FBXL18: variants seen among roughly 807,000 people sequenced by gnomAD.
FBXL18 encodes F-box/LRR-repeat protein 18.
FBXL18 carries 36 observed loss-of-function variants against 46.0 expected under a neutral mutation model. That is an observed-to-expected ratio of 0.78 (90% confidence interval 0.60 to 1.03). The LOEUF (loss-of-function observed/expected upper bound fraction) is 1.03. FBXL18 is among the 50% of genes least tolerant of loss of function. The pLI is 0.00. For synonymous variants in FBXL18, 557 were observed against 465.3 expected (o/e 1.20, Z -2.54); for missense variants, 977 against 1,004.1 (o/e 0.97, Z 0.36).
chr7:5,482,377 C>G (rs1003834220), intron 4 of FBXL18, among the ~76,000 whole-genome samples: 3 of 152,202 alleles, frequency 2.0e-5, no homozygotes, highest in Non-Finnish European at 4.4e-5. Flanking sequence ...TGGGCCACCT[C>G]AAGGGGGTGC....
chr7:5,474,770 C>G (rs1228081913), downstream of FBXL18, among the ~76,000 whole-genome samples: 2 of 150,744 alleles, frequency 1.3e-5, no homozygotes, highest in Non-Finnish European at 3.0e-5. Flanking sequence ...TGCAGTGGCG[C>G]GATCTCGGCT....
chr7:5,501,777 G>T lies in FBXL18; in HGVS notation c.492C>A (p.Ser164Arg). 1 of 1,560,394 alleles carries T rather than the reference G, an allele frequency of 6.4e-7. No homozygotes were observed. Among genetic ancestry groups the T allele is most frequent in the East Asian group, 2.4e-5 (1 of 42,082 alleles). Residue 164 changes from serine (S) to arginine (R), a missense_variant, in exon 3 of 5, where the codon AGC becomes AGA. Physicochemically the swap from Ser to Arg is moderately radical, Grantham distance 110. Transcript: ENST00000382368. ...CGCGGCTCAGGGTGGCCTTGCACTCGCTGCTCAGCTGGCTGGCGTCGAAGC... is the reference window on the plus strand; with the variant it reads ...CGCGGCTCAGGGTGGCCTTGCACTCTCTGCTCAGCTGGCTGGCGTCGAAGC... ...SPGFDASQLS[S>R]ECKATLSRVR...
chr7:5,500,671 A>C lies in FBXL18; in HGVS notation c.1598T>G (p.Leu533Arg), dbSNP rs1251430401. ...CAGCTGTGCGAGCGTCAGGTGCCGC[A>C]GGAAGGCCAGCTGGCCGATGGCGGC... is the stretch of plus-strand genomic sequence containing the variant. ...EVAAIGQLAF[L>R]RHLTLAQLPS... is the part of the protein sequence containing the mutation. Residue 533 changes from leucine (L) to arginine (R), a missense_variant, in exon 3 of 5, where the codon CTG becomes CGG. Transcript: ENST00000382368. The C allele has an allele frequency of 1.2e-6, 2 of 1,611,142 alleles. No individual in the cohort carries two copies. Among genetic ancestry groups the C allele is most frequent in the East Asian group, 2.2e-5 (1 of 44,844 alleles).
chr7:5,466,177 A>G (rs950851849), intron 4 of FBXL18, among the ~76,000 whole-genome samples: 8 of 151,996 alleles, frequency 5.3e-5, no homozygotes, highest in South Asian at 2.1e-4. Context: ...TTTAAAAAAA[A>G]AAAAGAAAAG....
Position 5,460,750 on chromosome 7 carries a change from G to T in FBXL18, c.2001-12907C>A, listed in dbSNP as rs1456492892. Among the ~76,000 whole-genome samples, 7 of 152,324 alleles carry T rather than the reference G, an allele frequency of 4.6e-5. No homozygotes were observed. The South Asian group carries it at 1.4e-3, about 32-fold the overall frequency. ...TTACAGCCGTGAGCCACCATGCCCA[G>T]ACTCAGGCCTAATCTGATGGCAGAG... On this transcript the variant is annotated intron_variant and NMD_transcript_variant, in intron 4 of 6. Coordinates refer to the FBXL18 transcript ENST00000415009.
chr7:5,482,214 G>A (rs927006727), intron 4 of FBXL18, among the ~76,000 whole-genome samples: 4 of 152,190 alleles, frequency 2.6e-5, no homozygotes, highest in Non-Finnish European at 5.9e-5. Context: ...CAGAGGCCCC[G>A]GAGGCCAACC....
In FBXL18 at chr7:5,496,316, G is replaced by A. The variant is rs531607574; in HGVS notation, c.1781+4172C>T. On this transcript the variant is annotated intron_variant, in intron 3 of 4. Coordinates refer to ENST00000382368, the MANE Select transcript of FBXL18 (RefSeq NM_024963.6). This position sits in a 1 kb window ranked among gnomAD's most constrained non-coding sequence, Gnocchi z 4.8. The stretch of plus-strand genomic sequence containing the variant: ...GTCCCCTCCACCCGCGGTGGCTGCC[G>A]TCACCTCTGCCTCTTGCTTCCGGAA... 6.6e-6 allele frequency among the ~76,000 whole-genome samples: 1 copy of A among 152,136 alleles called. No individual in the cohort carries two copies. Among genetic ancestry groups the A allele is most frequent in the African/African-American group, 2.4e-5 (1 of 41,426 alleles).
intron 1 of FBXL18, among the ~76,000 whole-genome samples, chr7:5,510,540 G>T (rs1784505648): frequency 6.6e-6 from 1 of 151,768 alleles, no homozygotes; most frequent in African/African-American, 2.4e-5. Context: ...AAATTAGCCA[G>T]GCATGGTGGC....
At chr7:5,471,875 G>A (rs182820969), downstream of FBXL18, among the ~76,000 whole-genome samples, 326 of 152,364 alleles carry the variant, frequency 2.1e-3, 2 homozygotes, top group African/African-American at 7.4e-3. Context: ...CATTTTGGGA[G>A]GCTGAGGCGG....
chr7:5,501,776 C>T lies in FBXL18; in HGVS notation c.493G>A (p.Glu165Lys). 6.4e-7 allele frequency: 1 copy of T among 1,560,258 alleles called. No individual in the cohort carries two copies. The highest frequency in any genetic ancestry group is 8.7e-7 in the Non-Finnish European group (1 of 1,151,918). The change falls in exon 3 of 5, where the codon GAG becomes AAG. Residue 165 changes from glutamate (E) to lysine (K), a missense_variant. Glu to Lys is a moderately conservative substitution (Grantham distance 56). Coordinates refer to ENST00000382368, the MANE Select transcript of FBXL18 (RefSeq NM_024963.6). ...ACGCGGCTCAGGGTGGCCTTGCACT[C>T]GCTGCTCAGCTGGCTGGCGTCGAAG... ...PGFDASQLSS[E>K]CKATLSRVRE...
At chr7:5,471,152 C>T (rs940112291), downstream of FBXL18, among the ~76,000 whole-genome samples, 2 of 152,230 alleles carry the variant, frequency 1.3e-5, no homozygotes, top group Non-Finnish European at 2.9e-5. Context: ...GCCATCTCCA[C>T]TATCCTGCAA....
intron 4 of FBXL18, among the ~76,000 whole-genome samples, chr7:5,461,149 C>T (rs1315527838): frequency 2.0e-5 from 3 of 152,188 alleles, no homozygotes; most frequent in African/African-American, 7.2e-5. Context: ...CAAACACAGC[C>T]GGACCTGAGC....
At chr7:5,467,176 C>A (rs1476318980) in intron 4 of FBXL18, among the ~76,000 whole-genome samples, 4 of 152,118 alleles carry the variant, frequency 2.6e-5, no homozygotes, top group African/African-American at 9.7e-5. Context: ...ACAGTGAAAC[C>A]CCGTCTCTAC....
intron 4 of FBXL18, among the ~76,000 whole-genome samples, chr7:5,463,743 T>TTTTTTTTTTTTTTTTTTTTTTTA (rs1783299194): frequency 2.1e-5 from 1 of 47,070 alleles, no homozygotes; most frequent in African/African-American, 6.3e-5. Flanking sequence ...TTTTTTTTTT[T>TTTTTTTTTTTTTTTTTTTTTTTA]TTTTTTTTTT....
chr7:5,492,212 C>A (rs12539968), intron 3 of FBXL18, among the ~76,000 whole-genome samples: 22,091 of 146,340 alleles, frequency 0.15, 1,848 homozygotes, highest in South Asian at 0.2. Flanking sequence ...CATTCTAGAT[C>A]CTTCCTGGGG....
chr7:5,500,788 T>G lies in FBXL18; in HGVS notation c.1481A>C (p.Asn494Thr). 6.2e-7 allele frequency: 1 copy of G among 1,612,340 alleles called. No homozygotes were observed. Among genetic ancestry groups the G allele is most frequent in the South Asian group, 1.1e-5 (1 of 91,048 alleles). ...GTTGCGGGGCATGGCGGAGGAGAAG[T>G]TGGACCCAATCAGCTCGAGGTGTTC... is the stretch of plus-strand genomic sequence containing the variant. ...FLEHLELIGS[N>T]FSSAMPRNEP... Residue 494 changes from asparagine (N) to threonine (T), a missense_variant, in exon 3 of 5, where the codon AAC becomes ACC. Transcript: ENST00000382368.
intron 4 of FBXL18, among the ~76,000 whole-genome samples, chr7:5,459,833 G>A (rs1783219583): frequency 6.6e-6 from 1 of 151,252 alleles, no homozygotes; most frequent in South Asian, 2.1e-4. Flanking sequence ...GAATCACTTG[G>A]GCCCAGGAGG....
At chr7:5,482,074 GTC>G in intron 4 of FBXL18, 143 bp from the exon 5 acceptor site, 3 of 999,316 alleles carry the variant, frequency 3.0e-6, no homozygotes, top group Non-Finnish European at 4.3e-6. Flanking sequence ...GCCTGCCAGA[GTC>G]ACCCTCTAAG....
intron 4 of FBXL18, among the ~76,000 whole-genome samples, chr7:5,483,651 G>A (rs1227630540): frequency 1.3e-5 from 2 of 151,692 alleles, no homozygotes; most frequent in African/African-American, 2.4e-5. Context: ...GGCTGAGGCA[G>A]GAGAATCACT....
Sources: gnomAD v4.1 joint callset for allele counts (sites outside exome capture counted in the v4.1 genomes callset) on GRCh38, gnomAD v4.1.1 for gene constraint, Gnocchi (gnomAD v3.1) non-coding constraint, MANE v1.5 for transcripts, NCBI Gene and HGNC (gene_info 2026-07-23, HGNC 2026-07-21) for gene names.